KPNB1: variants seen among roughly 807,000 people sequenced by gnomAD.
KPNB1 encodes importin subunit beta-1.
A neutral mutation model predicts 113.0 loss-of-function variants in KPNB1; 7 were observed. That is an observed-to-expected ratio of 0.06 (90% CI 0.04 to 0.12). The LOEUF (loss-of-function observed/expected upper bound fraction) is 0.12, where lower values mean the gene tolerates loss of function less well. Among genes scored for constraint, KPNB1 ranks in the 10% least tolerant of loss-of-function variants. The pLI is 1.00. For synonymous variants in KPNB1, 363 were observed against 378.6 expected (o/e 0.96, Z 0.48); for missense variants, 400 against 1,054.8 (o/e 0.38, Z 8.60).
Position 47,678,054 on chromosome 17 carries a change from C to G in KPNB1, c.2112C>G (p.Asn704Lys). The change falls in exon 18 of 22, where the codon AAC (asparagine) becomes AAG (lysine). Residue 704 changes from asparagine (N) to lysine (K), a missense_variant. Coordinates refer to ENST00000290158, the MANE Select transcript of KPNB1 (RefSeq NM_002265.6). ...QLLLENLGNENVHRSVKPQIL... is the reference protein window; with the variant it reads ...QLLLENLGNEKVHRSVKPQIL... ...CTTTTGTTCCTTGTCAGAATGAGAA[C>G]GTCCACAGGTCTGTGAAGCCGCAGA... The G allele has an allele frequency of 6.2e-7, 1 of 1,613,226 alleles. No homozygotes were observed. The highest frequency in any genetic ancestry group is 2.2e-5 in the East Asian group (1 of 44,892).
At chr17:47,658,887 C>G (rs1210660903) in intron 5 of KPNB1, among the ~76,000 whole-genome samples, 1 of 152,040 alleles carries the variant, frequency 6.6e-6, no homozygotes, top group Non-Finnish European at 1.5e-5. Context: ...TTAGGTTTTT[C>G]CTTTTGCAGT....
At chr17:47,677,988 G>C (rs542212767) in intron 17 of KPNB1, 58 bp from the exon 18 acceptor site, 144 of 1,521,926 alleles carry the variant, frequency 9.5e-5, no homozygotes, top group Non-Finnish European at 1.2e-4. Context: ...AAATTTTCAT[G>C]AATCTTTGGA....
chr17:47,670,372 A>G (rs547618999), intron 11 of KPNB1: 1 of 242,438 alleles, frequency 4.1e-6, no homozygotes, highest in Admixed American at 4.9e-5. Context: ...TGCTGCTTAG[A>G]GAGTTGTCAG....
chr17:47,674,581 G>A (rs1049856036), intron 14 of KPNB1, 57 bp from the exon 15 acceptor site: 1 of 1,529,734 alleles, frequency 6.5e-7, no homozygotes, highest in African/African-American at 1.4e-5. Context: ...AAAAGGTATA[G>A]TGTTCTGATT....
intron 21 of KPNB1, among the ~76,000 whole-genome samples, chr17:47,681,235 A>G (rs1402179222): frequency 2.2e-5 from 3 of 138,330 alleles, no homozygotes; most frequent in African/African-American, 8.2e-5. Flanking sequence ...ACACCCGACT[A>G]ATTTTCTTTT....
chr17:47,657,048 T>C lies in KPNB1; in HGVS notation c.471T>C (p.Ile157=). ...KESTLEAIGY[I]CQDIDPEQLQ... The stretch of plus-strand genomic sequence containing the variant: ...CGACATTGGAAGCCATCGGTTATAT[T>C]TGCCAAGATATAGTAAGTGCTTGCC... The change falls in exon 4 of 22, where the codon ATT becomes ATC. Residue 157 remains isoleucine, a synonymous_variant. Coordinates refer to ENST00000290158, the MANE Select transcript of KPNB1 (RefSeq NM_002265.6). 2 of 1,613,990 alleles carry C rather than the reference T, an allele frequency of 1.2e-6. No individual in the cohort carries two copies. Among genetic ancestry groups the C allele is most frequent in the Non-Finnish European group, 1.7e-6 (2 of 1,179,918 alleles).
intron 3 of KPNB1, 102 bp from the exon 4 acceptor site, chr17:47,656,758 G>T (rs1296753558): frequency 1.7e-6 from 2 of 1,183,518 alleles, no homozygotes; most frequent in Non-Finnish European, 2.4e-6. Flanking sequence ...AAGAAAGAAA[G>T]AAAAAAAAGA....
chr17:47,681,686 G>GTTTTTTTTTTTTTTTTTTTT (rs59222945), intron 21 of KPNB1, among the ~76,000 whole-genome samples: 5 of 96,038 alleles, frequency 5.2e-5, no homozygotes, highest in African/African-American at 8.6e-5. Flanking sequence ...GGAATTATAG[G>GTTTTTTTTTTTTTTTTTTTT]TTTTTTTTTT....
chr17:47,658,714 G>A (rs762146566), intron 5 of KPNB1, 54 bp downstream of exon 5: 13 of 1,483,734 alleles, frequency 8.8e-6, no homozygotes, highest in African/African-American at 1.4e-5. Flanking sequence ...TGAAAGAGTT[G>A]AATGAAAGTT....
chr17:47,675,198 C>T (rs577158083), intron 15 of KPNB1, among the ~76,000 whole-genome samples: 1 of 151,874 alleles, frequency 6.6e-6, no homozygotes, highest in Non-Finnish European at 1.5e-5. Flanking sequence ...CTTGTCAGAG[C>T]ATTAAAGAAT....
intron 19 of KPNB1, among the ~76,000 whole-genome samples, chr17:47,679,181 C>T (rs1239145223): frequency 6.6e-6 from 1 of 152,036 alleles, no homozygotes; most frequent in Non-Finnish European, 1.5e-5. Flanking sequence ...CCACCTTGGG[C>T]TCCCAAAGTG....
At chr17:47,662,922 A>G (rs2030152018) in intron 6 of KPNB1, among the ~76,000 whole-genome samples, 167 bp from the exon 7 acceptor site, 1 of 152,130 alleles carries the variant, frequency 6.6e-6, no homozygotes, top group Non-Finnish European at 1.5e-5. Flanking sequence ...AAATAAAGGA[A>G]CAGATAATGA....
chr17:47,682,449 C>G lies in KPNB1; in HGVS notation c.*45C>G. The G allele has an allele frequency of 1.3e-6, 1 of 779,716 alleles. No individual in the cohort carries two copies. 48.3% of individuals were successfully genotyped at this position (779,716 alleles called of 1,614,324 possible). On this transcript the variant is annotated 3_prime_UTR_variant, in exon 22 of 22. Coordinates refer to ENST00000290158, the MANE Select transcript of KPNB1 (RefSeq NM_002265.6). ...TAACCTGAGGACCCCCACTGGAAAT[C>G]TCCCATCTTTTGAAAAACCTGGAAG...
intron 5 of KPNB1, among the ~76,000 whole-genome samples, chr17:47,659,665 G>GA (rs200647430): frequency 1.3e-4 from 20 of 151,564 alleles, no homozygotes; most frequent in African/African-American, 3.6e-4. Flanking sequence ...GCTTATAATG[G>GA]AAAAAAAATA....
intron 9 of KPNB1, 65 bp downstream of exon 9, chr17:47,665,223 C>T: frequency 7.6e-7 from 1 of 1,313,084 alleles, no homozygotes; most frequent in East Asian, 2.3e-5. Flanking sequence ...ACTGTGGAAA[C>T]TTTCCATGGA....
Position 47,673,181 on chromosome 17 carries a change from G to GC in KPNB1, c.1695+20dup. On this transcript the variant is annotated intron_variant, in intron 13 of 21. Coordinates refer to ENST00000290158, the MANE Select transcript of KPNB1 (RefSeq NM_002265.6). The stretch of plus-strand genomic sequence containing the variant: ...TCAGATGGAGGTGAGACCTAAGAGT[G>GC]CCCCTGACTATGGGTGGGAATTGGG... The GC allele has an allele frequency of 6.2e-7, 1 of 1,613,080 alleles. No homozygotes were observed. Among genetic ancestry groups the GC allele is most frequent in the Non-Finnish European group, 8.5e-7 (1 of 1,179,482 alleles).
chr17:47,660,330 G>A (rs1160287686), intron 5 of KPNB1, among the ~76,000 whole-genome samples: 1 of 152,136 alleles, frequency 6.6e-6, no homozygotes, highest in Non-Finnish European at 1.5e-5. Context: ...ATATGTATAT[G>A]CCACATTTTG....
Position 47,668,845 on chromosome 17 carries a change from A to G in KPNB1, c.1224+435A>G, listed in dbSNP as rs528876993. On this transcript the variant is annotated intron_variant, in intron 10 of 21. Coordinates refer to ENST00000290158, the MANE Select transcript of KPNB1 (RefSeq NM_002265.6). ...TTTTTAATAATGGCATTATTATTCT[A>G]TTCTTTGGACAAAATGTCCTTTATG... is the stretch of plus-strand genomic sequence containing the variant. 2.0e-5 allele frequency among the ~76,000 whole-genome samples: 3 copies of G among 151,644 alleles called. No homozygotes were observed. The East Asian group carries it at 5.8e-4, about 29-fold the overall frequency.
At chr17:47,657,608 G>C (rs1198207577) in intron 4 of KPNB1, among the ~76,000 whole-genome samples, 1 of 152,216 alleles carries the variant, frequency 6.6e-6, no homozygotes, top group African/African-American at 2.4e-5. Flanking sequence ...GTGCCTAGGT[G>C]TCGATCCTTG....
Sources: allele counts gnomAD v4.1 joint callset (sites outside exome capture counted in the v4.1 genomes callset), GRCh38; gene constraint gnomAD v4.1.1; transcripts MANE v1.5; gene names NCBI Gene and HGNC (gene_info 2026-07-23, HGNC 2026-07-21).